The following RBFOX3 variants were observed in gnomAD, a reference collection of about 807,000 sequenced individuals.
RBFOX3 encodes the protein RNA binding protein fox-1 homolog 3.
In RBFOX3, 17 loss-of-function variants were observed where a neutral mutation model predicts 48.7. The ratio of observed to expected loss-of-function variants is 0.35; its 90% CI spans 0.24 to 0.52. The LOEUF is 0.52. Among genes scored for constraint, RBFOX3 ranks in the 20% least tolerant of loss-of-function variants. The pLI is 0.94. For synonymous variants in RBFOX3, 212 were observed against 209.5 expected, an observed-to-expected ratio of 1.01 and a Z score of -0.10; for missense variants, 382 against 497.5, an observed-to-expected ratio of 0.77 and a Z score of 2.21.
chr17:79,279,842 G>GA lies in RBFOX3; in HGVS notation c.-74+27881dup, dbSNP rs936837116. Among the ~76,000 whole-genome samples the GA allele has an allele frequency of 2.6e-5, 4 of 152,188 alleles. No homozygotes were observed. In the East Asian group the frequency reaches 7.7e-4, roughly 29 times the overall value. On this transcript the variant is annotated intron_variant, in intron 3 of 14. Transcript: ENST00000693108. ...GTTAGTGTTTGTCACTGAGAGGTTGGAAAAAAAGGACCCGTGTTGTCTAGG... is the reference window on the plus strand; with the variant it reads ...GTTAGTGTTTGTCACTGAGAGGTTGGAAAAAAAAGGACCCGTGTTGTCTAGG...
At position 79,097,754 on chromosome 17, in the gene RBFOX3, A is replaced by G; in HGVS notation, c.569-9T>C. The G allele has an allele frequency of 6.4e-7, 1 of 1,551,390 alleles. No individual in the cohort carries two copies. Among genetic ancestry groups the G allele is most frequent in the Non-Finnish European group, 8.7e-7 (1 of 1,146,878 alleles). ...TGGATTTAGCTTCCAGCCTAAAACA[A>G]AGGCACAGAGACCTAGTCACTGCCT... On this transcript the variant is annotated splice_polypyrimidine_tract_variant and intron_variant, in intron 9 of 14. Transcript: ENST00000693108.
chr17:79,292,764 G>A (rs571941831), intron 3 of RBFOX3, among the ~76,000 whole-genome samples: 20 of 152,284 alleles, frequency 1.3e-4, no homozygotes, highest in South Asian at 1.0e-3. Context: ...CAATTCTGCC[G>A]CTAGAGACCC....
chr17:79,544,295 C>A (rs2090108345), intron 1 of RBFOX3, among the ~76,000 whole-genome samples: 1 of 152,150 alleles, frequency 6.6e-6, no homozygotes, highest in Non-Finnish European at 1.5e-5. Flanking sequence ...AATCAGCCCC[C>A]AAGGATGCCA....
intron 2 of RBFOX3, among the ~76,000 whole-genome samples, chr17:79,407,552 C>T (rs374242524): frequency 1.8e-4 from 28 of 152,302 alleles, no homozygotes; most frequent in South Asian, 6.2e-4. Context: ...GAGAGCAAGA[C>T]GGGAACATGC....
intron 1 of RBFOX3, among the ~76,000 whole-genome samples, chr17:79,566,252 C>T (rs1258922502): frequency 6.6e-6 from 1 of 152,186 alleles, no homozygotes; most frequent in African/African-American, 2.4e-5. Context: ...GATGAATGAG[C>T]CCTCCCTTTG....
intron 6 of RBFOX3, among the ~76,000 whole-genome samples, chr17:79,104,694 G>T (rs981458266): frequency 2.6e-5 from 4 of 152,206 alleles, no homozygotes; most frequent in Non-Finnish European, 5.9e-5. Flanking sequence ...GTGCCACAGA[G>T]AAGAGAAAGT....
chr17:79,281,225 C>G (rs1348150926), intron 3 of RBFOX3, among the ~76,000 whole-genome samples: 2 of 152,262 alleles, frequency 1.3e-5, no homozygotes, highest in African/African-American at 4.8e-5. Context: ...AATGATGGGA[C>G]TACCCAGGTG....
At chr17:79,283,661 G>A (rs1435376859) in intron 3 of RBFOX3, among the ~76,000 whole-genome samples, 1 of 152,208 alleles carries the variant, frequency 6.6e-6, no homozygotes, top group East Asian at 1.9e-4. Flanking sequence ...GGATGCCTGG[G>A]CAGCCCAGGA....
rs1051328845 is a variant in RBFOX3 at position 79,382,672 on chromosome 17, G to A, written c.-174-74848C>T. Among the ~76,000 whole-genome samples, 10 of 152,188 alleles carry A rather than the reference G, an allele frequency of 6.6e-5. No individual in the cohort carries two copies. The East Asian group carries it at 1.7e-3, about 26-fold the overall frequency. ...AACCACACTCACGCGCATTTCCAAG[G>A]CTTCAGTGCCAGCATCCTCGCAAAC... On this transcript the variant is annotated intron_variant, in intron 2 of 14. Coordinates refer to ENST00000693108, the MANE Select transcript of RBFOX3 (RefSeq NM_001350451.2).
chr17:79,543,026 G>C (rs562947226), intron 1 of RBFOX3, among the ~76,000 whole-genome samples: 1 of 152,040 alleles, frequency 6.6e-6, no homozygotes, highest in Non-Finnish European at 1.5e-5. Context: ...GTCCAGGCAG[G>C]CACAGACCCC....
At chr17:79,272,922 C>T (rs201178849) in intron 3 of RBFOX3, among the ~76,000 whole-genome samples, 4 of 88,118 alleles carry the variant, frequency 4.5e-5, no homozygotes, top group African/African-American at 1.5e-4. Flanking sequence ...TCTCTAGGGC[C>T]ACCCCAGTAC....
At position 79,479,702 on chromosome 17, in the gene RBFOX3, C is replaced by A. The variant is rs75646149; in HGVS notation, c.-175+2752G>T. On this transcript the variant is annotated intron_variant, in intron 2 of 14. Transcript: ENST00000693108. The surrounding 1 kb of genome is among the most constrained non-coding windows in gnomAD (Gnocchi z 5.1). ...CTTGTACTTTCACTGTTGATGACCC[C>A]GAGGATTTACCTATTTGGGGGACAC... Among the ~76,000 whole-genome samples, 3 of 152,154 alleles carry A rather than the reference C, an allele frequency of 2.0e-5. No individual in the cohort carries two copies. Among genetic ancestry groups the A allele is most frequent in the African/African-American group, 7.2e-5 (3 of 41,426 alleles).
intron 4 of RBFOX3, among the ~76,000 whole-genome samples, chr17:79,219,479 G>C (rs2059455478): frequency 6.6e-6 from 1 of 152,130 alleles, no homozygotes; most frequent in Admixed American, 6.5e-5. Flanking sequence ...CCGCCCAGTT[G>C]AGCTAGGATG....
At chr17:79,272,054 C>A (rs554508235) in intron 3 of RBFOX3, among the ~76,000 whole-genome samples, 1 of 152,326 alleles carries the variant, frequency 6.6e-6, no homozygotes, top group East Asian at 1.9e-4. Flanking sequence ...GGGGTGGGAA[C>A]GCCGAGGCTG....
chr17:79,167,324 C>A (rs1455920438), intron 4 of RBFOX3, among the ~76,000 whole-genome samples: 82 of 152,086 alleles, frequency 5.4e-4, no homozygotes, highest in Non-Finnish European at 4.4e-5. Flanking sequence ...GGGGCCCCTT[C>A]TTCCCCTCCC....
At position 79,281,711 on chromosome 17, in the gene RBFOX3, G is replaced by T. The variant is rs543260659; in HGVS notation, c.-74+26013C>A. On this transcript the variant is annotated intron_variant, in intron 3 of 14. Transcript: ENST00000693108. ...GACCTGGCTGGAATTCACACCCAAT[G>T]GTGTATGCATTTAACTGCCTTCCTC... is the stretch of plus-strand genomic sequence containing the variant. 3.3e-5 allele frequency among the ~76,000 whole-genome samples: 5 copies of T among 152,342 alleles called. No homozygotes were observed. In the South Asian group the frequency reaches 1.0e-3, roughly 32 times the overall value.
chr17:79,417,153 G>T (rs782006812), intron 2 of RBFOX3, among the ~76,000 whole-genome samples: 10 of 152,238 alleles, frequency 6.6e-5, no homozygotes, highest in Non-Finnish European at 1.5e-4. Context: ...AAGTGGCTGT[G>T]ACTGTGCCTA....
chr17:79,301,736 C>A (rs368213045), intron 3 of RBFOX3, among the ~76,000 whole-genome samples: 1 of 152,184 alleles, frequency 6.6e-6, no homozygotes, highest in Non-Finnish European at 1.5e-5. Context: ...AAGCAGAATG[C>A]GGTTCCCCCA....
At chr17:79,415,185 T>C (rs902848419) in intron 2 of RBFOX3, among the ~76,000 whole-genome samples, 1 of 152,180 alleles carries the variant, frequency 6.6e-6, no homozygotes, top group African/African-American at 2.4e-5. Context: ...TTTGCCGAGG[T>C]ACCTGGGCCG....
Sources: gnomAD v4.1 joint callset for allele counts (sites outside exome capture counted in the v4.1 genomes callset) on GRCh38, gnomAD v4.1.1 for gene constraint, Gnocchi (gnomAD v3.1) non-coding constraint, MANE v1.5 for transcripts, NCBI Gene and HGNC (gene_info 2026-07-23, HGNC 2026-07-21) for gene names.